Variants in ADARB1 observed in about 807,000 individuals in gnomAD.
ADARB1 encodes double-stranded RNA-specific editase 1.
ADARB1 carries 10 observed loss-of-function variants against 52.4 expected under a neutral mutation model. The observed-to-expected ratio is 0.19, with a 90% CI of 0.12 to 0.32. The LOEUF (loss-of-function observed/expected upper bound fraction) is 0.32, where lower values mean the gene tolerates loss of function less well. Ranked by LOEUF, ADARB1 falls within the 10% of genes least tolerant of loss-of-function variation. The probability of loss-of-function intolerance (pLI) is 1.00; values close to 1 mark genes in which losing one functional copy is unlikely to be tolerated. For missense variants in ADARB1, 643 were observed against 922.3 expected (o/e 0.70, Z 3.92); for synonymous variants, 349 against 371.1 (o/e 0.94, Z 0.68).
chr21:45,224,684 A>T lies in ADARB1; in HGVS notation c.*2487A>T, dbSNP rs11701976. On this transcript the variant is annotated 3_prime_UTR_variant, in exon 11 of 11. Transcript: ENST00000348831. ...GGTTCCGGGAGCCCTGGGCCGGGGC[A>T]GGGGGCGGCTGTAGGAAGGAACTGG... The T allele has an allele frequency of 1.6e-5, 14 of 896,476 alleles. 1 individual carries two copies. The highest frequency in any genetic ancestry group is 2.1e-5 in the African/African-American group (1 of 47,992). 55.5% of individuals were successfully genotyped at this position (896,476 alleles called of 1,614,324 possible).
At chr21:45,135,891 G>C (rs577150588) in intron 2 of ADARB1, among the ~76,000 whole-genome samples, 12 of 152,182 alleles carry the variant, frequency 7.9e-5, no homozygotes, top group Non-Finnish European at 1.8e-4. Context: ...CCTCTGTGAT[G>C]GGGGTGGGTG....
At chr21:45,096,278 G>A (rs141553590) in intron 1 of ADARB1, among the ~76,000 whole-genome samples, 116 of 152,268 alleles carry the variant, frequency 7.6e-4, no homozygotes, top group African/African-American at 2.5e-3. Context: ...GAAAGAGTGC[G>A]TGAGTTGGAT....
intron 9 of ADARB1, among the ~76,000 whole-genome samples, chr21:45,216,377 GT>G (rs2092863768): frequency 6.6e-6 from 1 of 151,630 alleles, no homozygotes; most frequent in African/African-American, 2.4e-5. Context: ...TCTTTTTGTA[GT>G]TTTTTAAGGT....
intron 2 of ADARB1, chr21:45,132,436 C>T (rs182827207): frequency 6.6e-6 from 1 of 152,248 alleles, no homozygotes; most frequent in East Asian, 1.9e-4. Flanking sequence ...GAAGCCAGAC[C>T]CAAGAAATGT....
intron 2 of ADARB1, among the ~76,000 whole-genome samples, chr21:45,160,021 AT>A (rs2090881350): frequency 6.6e-6 from 1 of 152,176 alleles, no homozygotes; most frequent in Admixed American, 6.5e-5. Context: ...ACATTTTTTA[AT>A]TGGGTGTTTG....
At chr21:45,161,865 C>T (rs964858900) in intron 2 of ADARB1, among the ~76,000 whole-genome samples, 1 of 152,162 alleles carries the variant, frequency 6.6e-6, no homozygotes, top group Admixed American at 6.5e-5. Flanking sequence ...CTCAGCCAGA[C>T]TTGGGCAGAA....
chr21:45,167,063 G>A (rs1434237339), intron 2 of ADARB1, among the ~76,000 whole-genome samples: 2 of 152,202 alleles, frequency 1.3e-5, no homozygotes, highest in African/African-American at 4.8e-5. Flanking sequence ...ATAACCTTTG[G>A]TACAAGAGTT....
chr21:45,137,476 G>C (rs1238062381), intron 2 of ADARB1: 1 of 152,424 alleles, frequency 6.6e-6, no homozygotes, highest in Non-Finnish European at 1.5e-5. Context: ...GGGTACGTGG[G>C]TGGCCCTTCG....
intron 1 of ADARB1, among the ~76,000 whole-genome samples, chr21:45,097,505 G>A (rs2086815854): frequency 6.6e-6 from 1 of 151,948 alleles, no homozygotes; most frequent in South Asian, 2.1e-4. Context: ...GTTGTGCCGT[G>A]GAAGGGTCCC....
chr21:45,149,444 T>A (rs1353825298), intron 2 of ADARB1, among the ~76,000 whole-genome samples: 1 of 152,256 alleles, frequency 6.6e-6, no homozygotes, highest in Non-Finnish European at 1.5e-5. Flanking sequence ...CCGCATATCT[T>A]GTCTAAATCT....
chr21:45,138,053 G>A (rs147863666), intron 2 of ADARB1, among the ~76,000 whole-genome samples: 1,897 of 152,290 alleles, frequency 0.012, 43 homozygotes, highest in African/African-American at 0.042. Context: ...GCCCTCCTCA[G>A]TGGCATCACT....
rs770003688 is a variant in ADARB1 at position 45,180,288 on chromosome 21, G to C, written c.964-42G>C. The C allele has an allele frequency of 8.4e-6, 12 of 1,437,050 alleles. No homozygotes were observed. In the African/African-American group the frequency reaches 9.8e-5, roughly 12 times the overall value. The allele number at this position is 1,437,050 out of a possible 1,614,324, so 89.0% of individuals were successfully genotyped here. A position where few individuals can be genotyped will look rare whatever the true frequency, so the allele number is the denominator to read the frequency against. On this transcript the variant is annotated intron_variant, in intron 4 of 10. Coordinates refer to ENST00000348831, the MANE Select transcript of ADARB1 (RefSeq NM_001112.4). ...ATTGAGAGAGTGAGCCCTGCTCCCA[G>C]CTGCATCTGGCCCCTAACCTGCATC...
chr21:45,087,091 G>T (rs1249723697), intron 1 of ADARB1, among the ~76,000 whole-genome samples: 2 of 152,204 alleles, frequency 1.3e-5, no homozygotes, highest in South Asian at 2.1e-4. Flanking sequence ...GGTGTTTGAT[G>T]TTTTCCCCCC....
At position 45,161,274 on chromosome 21, in the gene ADARB1, G is replaced by A. The variant is rs1250423659; in HGVS notation, c.-47-10336G>A. Among the ~76,000 whole-genome samples, 3 of 152,240 alleles carry A rather than the reference G, an allele frequency of 2.0e-5. No individual in the cohort carries two copies. The East Asian group carries it at 5.8e-4, about 29-fold the overall frequency. On this transcript the variant is annotated intron_variant, in intron 2 of 10. Coordinates refer to ENST00000348831, the MANE Select transcript of ADARB1 (RefSeq NM_001112.4). The stretch of plus-strand genomic sequence containing the variant: ...CCCTGCCATCCTGGGCACAGCTGCA[G>A]CCGTCCATTAGAAGCTGTGGACCCA...
intron 1 of ADARB1, among the ~76,000 whole-genome samples, chr21:45,123,696 G>A (rs1601449617): frequency 6.6e-6 from 1 of 152,238 alleles, no homozygotes. Context: ...GAACTCCCAG[G>A]TTCAAACAGT....
At chr21:45,187,367 C>A (rs1439149174) in intron 8 of ADARB1, among the ~76,000 whole-genome samples, 1 of 152,060 alleles carries the variant, frequency 6.6e-6, no homozygotes, top group Non-Finnish European at 1.5e-5. Flanking sequence ...GATTTTGTAT[C>A]CTATGATTTT....
Position 45,176,776 on chromosome 21 carries a change from G to T in ADARB1, c.963+112G>T. 2 of 1,196,476 alleles carry T rather than the reference G, an allele frequency of 1.7e-6. No individual in the cohort carries two copies. The highest frequency in any genetic ancestry group is 3.1e-5 in the African/African-American group (2 of 65,012). The allele number at this position is 1,196,476 out of a possible 1,614,324, so 74.1% of individuals were successfully genotyped here. ...TGACTTTCCACCTTGACATCACTCT[G>T]TCCCCACCAGGAGGAGTTACTGGTA... On this transcript the variant is annotated intron_variant, in intron 4 of 10. Transcript: ENST00000348831. This position sits in a 1 kb window ranked among gnomAD's most constrained non-coding sequence, Gnocchi z 5.8.
intron 1 of ADARB1, among the ~76,000 whole-genome samples, chr21:45,087,730 G>A (rs1265280098): frequency 6.6e-6 from 1 of 152,222 alleles, no homozygotes; most frequent in Admixed American, 6.5e-5. Context: ...CAGCCAGGAT[G>A]TGGGGGACCC....
chr21:45,203,023 C>T (rs981791610), intron 8 of ADARB1, among the ~76,000 whole-genome samples: 4 of 152,182 alleles, frequency 2.6e-5, no homozygotes, highest in Admixed American at 2.0e-4. Flanking sequence ...CACTGCTGAG[C>T]GTGTAACCCT....
Sources: allele counts gnomAD v4.1 joint callset (sites outside exome capture counted in the v4.1 genomes callset), GRCh38; gene constraint gnomAD v4.1.1; non-coding constraint Gnocchi (gnomAD v3.1); transcripts MANE v1.5; gene names NCBI Gene and HGNC (gene_info 2026-07-23, HGNC 2026-07-21).